The following ATXN3 variants were observed in gnomAD, a reference collection of about 807,000 sequenced individuals.
ATXN3 encodes ataxin-3.
In ATXN3, 28 loss-of-function variants were observed where a neutral mutation model predicts 58.2. The observed-to-expected ratio is 0.48, with a 90% CI of 0.36 to 0.66. The LOEUF (loss-of-function observed/expected upper bound fraction) is 0.66. ATXN3 is among the 30% of genes least tolerant of loss of function. The probability of loss-of-function intolerance (pLI) is 0.00; values close to 1 mark genes in which losing one functional copy is unlikely to be tolerated. For synonymous variants in ATXN3, 113 were observed against 138.5 expected (o/e 0.82, Z 1.29); for missense variants, 321 against 422.1 (o/e 0.76, Z 2.10).
chr14:92,066,572 T>C (rs547991708), intron 10 of ATXN3, among the ~76,000 whole-genome samples: 2 of 151,678 alleles, frequency 1.3e-5, no homozygotes, highest in African/African-American at 4.8e-5. Context: ...TCACTGGATA[T>C]GTAACTCTGG....
In ATXN3 at chr14:92,061,853, A is replaced by G. The variant is rs1402747510; in HGVS notation, c.*2467T>C. The G allele has an allele frequency of 6.6e-6, 1 of 152,246 alleles. No homozygotes were observed. The highest frequency in any genetic ancestry group is 1.5e-5 in the Non-Finnish European group (1 of 68,050). 9.4% of individuals were successfully genotyped at this position (152,246 alleles called of 1,614,324 possible). ...TTAAATTTAAGCCAACCCCACCAAG[A>G]TGACAGTTCACTAGTGCTTCTGGAT... On this transcript the variant is annotated 3_prime_UTR_variant, in exon 11 of 11. Coordinates refer to ENST00000644486, the MANE Select transcript of ATXN3 (RefSeq NM_004993.6).
intron 1 of ATXN3, among the ~76,000 whole-genome samples, chr14:92,099,601 G>C (rs1185140427): frequency 6.6e-6 from 1 of 152,202 alleles, no homozygotes; most frequent in African/African-American, 2.4e-5. Context: ...GGCTGCGGTG[G>C]CTCATGCCTG....
chr14:92,095,559 T>G (rs2065019116), intron 3 of ATXN3, among the ~76,000 whole-genome samples: 1 of 151,996 alleles, frequency 6.6e-6, no homozygotes, highest in Admixed American at 6.6e-5. Flanking sequence ...AAGGTTATTA[T>G]TAGCATCCAG....
chr14:92,049,047 T>A (rs1036551033), intron 1 of ATXN3, among the ~76,000 whole-genome samples: 1 of 152,158 alleles, frequency 6.6e-6, no homozygotes, highest in Non-Finnish European at 1.5e-5. Context: ...AAATCCAAAG[T>A]GCTATTCTCT....
rs75188275 is a variant in ATXN3, at chr14:92,082,425, T to A, written c.650A>T (p.Asp217Val). 1.2e-6 allele frequency: 2 copies of A among 1,614,134 alleles called. No individual in the cohort carries two copies. The highest frequency in any genetic ancestry group is 2.7e-5 in the African/African-American group (2 of 75,044). The change falls in exon 8 of 11, where the codon GAT (aspartate) becomes GTT (valine). Residue 217 changes from aspartate to valine, a missense_variant. By Grantham distance (152) the Asp-to-Val change is radical. Transcript: ENST00000644486. Reference sequence around the variant, plus strand: ...ATCTTCGTCTAACATTCCTGAGCCATCATTTGCTTCTAACACTCGTTCCAG... The same window carrying A: ...ATCTTCGTCTAACATTCCTGAGCCAACATTTGCTTCTAACACTCGTTCCAG... Reference protein sequence around the residue: ...TDLERVLEANDGSGMLDEDEE... With the variant: ...TDLERVLEANVGSGMLDEDEE...
chr14:92,064,560 A>C, intron 10 of ATXN3, 146 bp from the exon 11 acceptor site: 1 of 611,090 alleles, frequency 1.6e-6, no homozygotes, highest in Non-Finnish European at 2.9e-6. Flanking sequence ...TTACTTTTAT[A>C]GTTCTATATA....
At chr14:92,083,308 A>G (rs2061802415) in intron 6 of ATXN3, 50 bp from the exon 7 acceptor site, 3 of 1,527,396 alleles carry the variant, frequency 2.0e-6, no homozygotes, top group Admixed American at 2.0e-5. Context: ...AAGAGATTCA[A>G]AATTGATGTA....
downstream of ATXN3, among the ~76,000 whole-genome samples, chr14:92,053,847 C>T (rs1050470500): frequency 3.3e-5 from 5 of 152,034 alleles, no homozygotes; most frequent in African/African-American, 1.2e-4. Flanking sequence ...CCAACACAGC[C>T]ATATTAGATC....
chr14:92,072,989 G>A (rs1185640250), intron 9 of ATXN3, among the ~76,000 whole-genome samples: 1 of 152,188 alleles, frequency 6.6e-6, no homozygotes, highest in Non-Finnish European at 1.5e-5. Flanking sequence ...GGCTAATGAT[G>A]CACGTAAGGG....
intron 2 of ATXN3, 93 bp from the exon 3 acceptor site, chr14:92,096,230 G>T: frequency 6.2e-7 from 1 of 1,609,964 alleles, no homozygotes; most frequent in Non-Finnish European, 8.5e-7. Flanking sequence ...ACAATATCTT[G>T]TGCATTCCCA....
intron 1 of ATXN3, among the ~76,000 whole-genome samples, chr14:92,099,616 C>T (rs546219427): frequency 3.9e-5 from 6 of 152,168 alleles, no homozygotes; most frequent in Non-Finnish European, 7.3e-5. Context: ...TGCCTGTAAT[C>T]CCAGCATTTT....
upstream of ATXN3, among the ~76,000 whole-genome samples, chr14:92,051,963 G>C (rs2057450320): frequency 6.6e-6 from 1 of 151,278 alleles, no homozygotes; most frequent in Non-Finnish European, 1.5e-5. Flanking sequence ...CTGACCTCAT[G>C]ATGCACCCGC....
intron 10 of ATXN3, 87 bp from the exon 11 acceptor site, chr14:92,064,501 T>C: frequency 1.0e-6 from 1 of 970,098 alleles, no homozygotes; most frequent in East Asian, 2.4e-5. Context: ...AATGTATTTC[T>C]ATTTGAGCAC....
intron 1 of ATXN3, among the ~76,000 whole-genome samples, chr14:92,097,126 G>C (rs1321714327): frequency 1.3e-5 from 2 of 151,980 alleles, no homozygotes; most frequent in Non-Finnish European, 2.9e-5. Flanking sequence ...AGCCAGGATG[G>C]TCTTGATCTC....
chr14:92,070,168 G>A (rs2059176287), intron 10 of ATXN3, among the ~76,000 whole-genome samples: 1 of 152,008 alleles, frequency 6.6e-6, no homozygotes, highest in South Asian at 2.1e-4. Flanking sequence ...CAAAGTTTAA[G>A]ACATATTTAA....
rs139112984 is a variant in ATXN3, at chr14:92,073,131, A to G, written c.873-2078T>C. On this transcript the variant is annotated intron_variant, in intron 9 of 10. Coordinates refer to ENST00000644486, the MANE Select transcript of ATXN3 (RefSeq NM_004993.6). ...CCCTCCACTCAAGAAGGTATGTGAG[A>G]ATGCAAGGGAGTGACAGGTGAGATA... Among the ~76,000 whole-genome samples the G allele has an allele frequency of 1.2e-3, 180 of 152,356 alleles. 3 individuals are homozygous for G. In the East Asian group the frequency reaches 0.012, roughly 10 times the overall value.
intron 6 of ATXN3, among the ~76,000 whole-genome samples, chr14:92,087,084 G>A (rs2062758424): frequency 6.6e-6 from 1 of 152,186 alleles, no homozygotes; most frequent in Non-Finnish European, 1.5e-5. Context: ...AGGTGTGTAA[G>A]GGAGAGGAAA....
intron 3 of ATXN3, among the ~76,000 whole-genome samples, chr14:92,094,489 T>C (rs2064704848): frequency 1.3e-5 from 2 of 152,170 alleles, no homozygotes; most frequent in Non-Finnish European, 2.9e-5. Flanking sequence ...AAAATTATAT[T>C]CAACTTGCTA....
At position 92,070,688 on chromosome 14, in the gene ATXN3, C is replaced by T. The variant is rs148529923; in HGVS notation, c.991+247G>A. Reference sequence around the variant, plus strand: ...ATTCATTAAATGTTCTAGCAATCCTCTCCTGCCTTGGTTTCCCAAAGTGCT... The same window carrying T: ...ATTCATTAAATGTTCTAGCAATCCTTTCCTGCCTTGGTTTCCCAAAGTGCT... On this transcript the variant is annotated intron_variant, in intron 10 of 10. Coordinates refer to ENST00000644486, the MANE Select transcript of ATXN3 (RefSeq NM_004993.6). 4.0e-5 allele frequency: 41 copies of T among 1,017,436 alleles called. 1 individual carries two copies. In the Admixed American group the frequency reaches 1.2e-3, roughly 29 times the overall value. 63.0% of individuals were successfully genotyped at this position (1,017,436 alleles called of 1,614,324 possible). A position where few individuals can be genotyped will look rare whatever the true frequency, so the allele number is the denominator to read the frequency against.
Sources: allele counts gnomAD v4.1 joint callset (sites outside exome capture counted in the v4.1 genomes callset), GRCh38; gene constraint gnomAD v4.1.1; transcripts MANE v1.5; gene names NCBI Gene and HGNC (gene_info 2026-07-23, HGNC 2026-07-21).